LPAR6: variants seen among roughly 807,000 people sequenced by gnomAD.
The protein encoded by LPAR6 is G-protein coupled purinergic receptor P2Y5.
Under a neutral mutation model 22.0 loss-of-function variants are expected in LPAR6, and 17 were observed. The ratio of observed to expected loss-of-function variants is 0.77; its 90% CI spans 0.53 to 1.16. The LOEUF (loss-of-function observed/expected upper bound fraction) is 1.16. Among genes scored for constraint, LPAR6 ranks in the 50% most tolerant of loss-of-function variants. The pLI is 0.00. For synonymous variants in LPAR6, 136 were observed against 139.8 expected, an observed-to-expected ratio of 0.97 and a Z score of 0.19; for missense variants, 384 against 406.9, an observed-to-expected ratio of 0.94 and a Z score of 0.48.
At chr13:48,405,591 G>T (rs968677745) in intron 1 of LPAR6, among the ~76,000 whole-genome samples, 1 of 152,162 alleles carries the variant, frequency 6.6e-6, no homozygotes, top group Non-Finnish European at 1.5e-5. Context: ...CTTTTGCACT[G>T]CAGTACAGAG....
Position 48,412,245 on chromosome 13 carries a change from G to T in LPAR6, c.179C>A (p.Ala60Glu). The T allele has an allele frequency of 6.2e-7, 1 of 1,613,980 alleles. No individual in the cohort carries two copies. Among genetic ancestry groups the T allele is most frequent in the Non-Finnish European group, 8.5e-7 (1 of 1,179,882 alleles). ...NETTTYMINLAMSDLLFVFTL... is the reference protein window; with the variant it reads ...NETTTYMINLEMSDLLFVFTL... ...AAAAACAAAAAGCAAGTCTGACATTGCCAAGTTAATCATGTAAGTTGTAGT... is the reference window on the plus strand; with the variant it reads ...AAAAACAAAAAGCAAGTCTGACATTTCCAAGTTAATCATGTAAGTTGTAGT... Residue 60 changes from alanine to glutamate, a missense_variant, in exon 1 of 1, where the codon GCA (alanine) becomes GAA (glutamate). By Grantham distance (107) the Ala-to-Glu change is moderately radical (BLOSUM62 -1). Coordinates refer to ENST00000620633, the MANE Select transcript of LPAR6 (RefSeq NM_001162498.3).
chr13:48,413,287 G>T (rs1034702761), upstream of LPAR6, among the ~76,000 whole-genome samples: 1 of 152,166 alleles, frequency 6.6e-6, no homozygotes, highest in Non-Finnish European at 1.5e-5. Context: ...GTTGAACTGC[G>T]TGGTCTGCTC....
In LPAR6 at chr13:48,411,431, C is replaced by A; in HGVS notation, c.993G>T (p.Gln331His). ...GAENFIQHNL[Q>H]TLKSKIFDNE... is the part of the protein sequence containing the mutation. ...TGTCAAATATCTTACTTTTTAAGGT[C>A]TGTAGGTTATGCTGAATAAAATTCT... The change falls in exon 1 of 1, where the codon CAG (glutamine) becomes CAT (histidine). Residue 331 changes from glutamine (Q) to histidine (H), a missense_variant. By Grantham distance (24) the Gln-to-His change is conservative (BLOSUM62 0). Transcript: ENST00000620633. 1 of 1,613,096 alleles carries A rather than the reference C, an allele frequency of 6.2e-7. No homozygotes were observed. The highest frequency in any genetic ancestry group is 1.1e-5 in the South Asian group (1 of 91,024).
chr13:48,444,496 C>T lies in LPAR6; in HGVS notation c.-1474+57G>A, dbSNP rs549486756. 24 of 152,528 alleles carry T rather than the reference C, an allele frequency of 1.6e-4. 2 individuals carry two copies. The South Asian group carries it at 3.3e-3, about 21-fold the overall frequency. 9.4% of individuals were successfully genotyped at this position (152,528 alleles called of 1,614,324 possible). ...TGTGCCACTGCACTCCTGCCTGGGC[C>T]GCAGAGCAAGACTGTCTGAAAAAAC... On this transcript the variant is annotated intron_variant, in intron 1 of 6. Coordinates refer to the LPAR6 transcript ENST00000378434.
At chr13:48,400,608 A>G (rs1394941862) in intron 1 of LPAR6, among the ~76,000 whole-genome samples, 2 of 152,106 alleles carry the variant, frequency 1.3e-5, no homozygotes, top group East Asian at 3.8e-4. Context: ...CTGGAAGTGT[A>G]AACACTGCTA....
intron 1 of LPAR6, among the ~76,000 whole-genome samples, chr13:48,440,692 T>C (rs950101421): frequency 1.3e-5 from 2 of 152,212 alleles, no homozygotes; most frequent in Non-Finnish European, 2.9e-5. Context: ...TTTAAAATTG[T>C]AGTTGCACTC....
At chr13:48,404,601 A>T (rs4942765) in intron 1 of LPAR6, among the ~76,000 whole-genome samples, 86,674 of 151,802 alleles carry the variant, frequency 0.57, 28,974 homozygotes, top group Non-Finnish European at 0.73. Flanking sequence ...ATCTCCGCTC[A>T]CTGCAACCGC....
chr13:48,417,153 G>A (rs893255929), upstream of LPAR6: 3 of 152,466 alleles, frequency 2.0e-5, no homozygotes, highest in South Asian at 2.1e-4. Flanking sequence ...AGCAGGAATC[G>A]ACAGACAACT....
rs1280947578 is a variant in LPAR6, at chr13:48,397,761, T to G, written n.115-7949A>C. On this transcript the variant is annotated intron_variant and non_coding_transcript_variant, in intron 1 of 1. Coordinates refer to the LPAR6 transcript ENST00000462781. ...ATAGCCCATAGTTTTAGAGTCCTGA[T>G]TCATTGACAAACTTATAAACAAAAT... Among the ~76,000 whole-genome samples the G allele has an allele frequency of 2.6e-5, 4 of 152,338 alleles. No individual in the cohort carries two copies. The East Asian group carries it at 7.7e-4, about 29-fold the overall frequency.
intron 1 of LPAR6, among the ~76,000 whole-genome samples, chr13:48,442,325 C>T (rs997252368): frequency 4.6e-5 from 7 of 152,064 alleles, no homozygotes; most frequent in Admixed American, 3.3e-4. Context: ...CTCAGCCTCC[C>T]GAGTAGCTGG....
chr13:48,413,559 C>G (rs1948855827), upstream of LPAR6, among the ~76,000 whole-genome samples: 1 of 152,060 alleles, frequency 6.6e-6, no homozygotes, highest in Non-Finnish European at 1.5e-5. Flanking sequence ...GGCCTTTAAC[C>G]TTTAAGGTAT....
At position 48,412,359 on chromosome 13, in the gene LPAR6, C is replaced by T; in HGVS notation, c.65G>A (p.Cys22Tyr). 1 of 1,613,754 alleles carries T rather than the reference C, an allele frequency of 6.2e-7. No individual in the cohort carries two copies. The highest frequency in any genetic ancestry group is 8.5e-7 in the Non-Finnish European group (1 of 1,179,668). The change falls in exon 1 of 1, where the codon TGC becomes TAC. Residue 22 changes from cysteine to tyrosine, a missense_variant. Transcript: ENST00000620633. ...AAGCACAAACACCATGCTGAACATG[C>T]ACCCATACAAAGTGTACTTAAAGGA... ...NDSFKYTLYG[C>Y]MFSMVFVLGL...
chr13:48,434,887 T>C (rs1949167424), intron 1 of LPAR6, among the ~76,000 whole-genome samples: 2 of 152,244 alleles, frequency 1.3e-5, no homozygotes, highest in African/African-American at 2.4e-5. Context: ...ATATTGCATG[T>C]ATCAATAGTT....
chr13:48,400,047 A>C (rs978586040), intron 1 of LPAR6, among the ~76,000 whole-genome samples: 1 of 152,098 alleles, frequency 6.6e-6, no homozygotes, highest in African/African-American at 2.4e-5. Flanking sequence ...AAAAACAAAC[A>C]AAAATCTAAC....
intron 1 of LPAR6, among the ~76,000 whole-genome samples, chr13:48,425,925 G>A (rs1205570020): frequency 6.6e-6 from 1 of 152,214 alleles, no homozygotes; most frequent in Non-Finnish European, 1.5e-5. Flanking sequence ...ATTACAAAGT[G>A]ATTATTGGTG....
At chr13:48,396,279 G>T (rs1948647485) in intron 1 of LPAR6, among the ~76,000 whole-genome samples, 1 of 152,042 alleles carries the variant, frequency 6.6e-6, no homozygotes, top group East Asian at 1.9e-4. Context: ...AAACAGCATG[G>T]TACTGGTACC....
At chr13:48,405,007 A>T (rs1309920145) in intron 1 of LPAR6, among the ~76,000 whole-genome samples, 2 of 152,196 alleles carry the variant, frequency 1.3e-5, no homozygotes, top group Non-Finnish European at 2.9e-5. Context: ...GCAAGGACTC[A>T]GAATGTTTAT....
intron 1 of LPAR6, among the ~76,000 whole-genome samples, chr13:48,390,819 C>T (rs777925213): frequency 6.6e-6 from 1 of 152,114 alleles, no homozygotes; most frequent in African/African-American, 2.4e-5. Flanking sequence ...CATATTTTCC[C>T]CATTCTTTAT....
chr13:48,440,790 A>T (rs1485011562), intron 1 of LPAR6, among the ~76,000 whole-genome samples: 11 of 152,218 alleles, frequency 7.2e-5, no homozygotes, highest in Admixed American at 7.2e-4. Flanking sequence ...TAATGTATTC[A>T]TAATAAATAG....
Sources: gnomAD v4.1 joint callset for allele counts (sites outside exome capture counted in the v4.1 genomes callset) on GRCh38, gnomAD v4.1.1 for gene constraint, MANE v1.5 for transcripts, NCBI Gene and HGNC (gene_info 2026-07-23, HGNC 2026-07-21) for gene names.